UNC13C: variants seen among roughly 807,000 people sequenced by gnomAD.
UNC13C encodes the protein protein unc-13 homolog C.
A neutral mutation model predicts 245.4 loss-of-function variants in UNC13C; 174 were observed. The observed-to-expected ratio is 0.71, with a 90% CI of 0.63 to 0.80. The LOEUF (loss-of-function observed/expected upper bound fraction) is 0.80, where lower values mean the gene tolerates loss of function less well. Among genes scored for constraint, UNC13C ranks in the 30% least tolerant of loss-of-function variants. The probability of loss-of-function intolerance (pLI) is 0.00; values close to 1 mark genes in which losing one functional copy is unlikely to be tolerated. For missense variants in UNC13C, 2,829 were observed against 2,602.9 expected (o/e 1.09, Z -1.89); for synonymous variants, 992 against 895.1 (o/e 1.11, Z -1.93).
intron 10 of UNC13C, among the ~76,000 whole-genome samples, chr15:54,293,328 A>C (rs554917398): frequency 2.0e-4 from 31 of 152,090 alleles, no homozygotes; most frequent in African/African-American, 7.2e-4. Context: ...GGGTGAAGAA[A>C]ACCTGGAAAT....
At chr15:54,396,609 A>G (rs1414486240) in intron 18 of UNC13C, among the ~76,000 whole-genome samples, 1 of 151,494 alleles carries the variant, frequency 6.6e-6, no homozygotes, top group Non-Finnish European at 1.5e-5. Flanking sequence ...TTTTATTTCT[A>G]TTGAGTTACG....
At chr15:54,191,800 C>T (rs2034192952) in intron 4 of UNC13C, among the ~76,000 whole-genome samples, 1 of 152,104 alleles carries the variant, frequency 6.6e-6, no homozygotes, top group South Asian at 2.1e-4. Flanking sequence ...CTCTAATGAC[C>T]AGTGGTGATG....
chr15:54,606,604 G>A (rs759090044), intron 30 of UNC13C, among the ~76,000 whole-genome samples: 16 of 152,118 alleles, frequency 1.1e-4, no homozygotes, highest in Non-Finnish European at 1.6e-4. Context: ...ATTTGCGTGC[G>A]GTGAACTAAG....
intron 13 of UNC13C, 108 bp from the exon 14 acceptor site, chr15:54,321,831 C>A: frequency 8.7e-7 from 1 of 1,153,088 alleles, no homozygotes; most frequent in Non-Finnish European, 1.2e-6. Flanking sequence ...GTTTTCTCTC[C>A]TTTTCATAGA....
At chr15:53,993,000 C>T (rs1894458706) in intron 1 of UNC13C, among the ~76,000 whole-genome samples, 1 of 152,114 alleles carries the variant, frequency 6.6e-6, no homozygotes, top group Non-Finnish European at 1.5e-5. Flanking sequence ...AACAATCACA[C>T]TGCTATAATA....
intron 20 of UNC13C, among the ~76,000 whole-genome samples, chr15:54,499,456 G>T (rs1894099037): frequency 6.6e-6 from 1 of 152,058 alleles, no homozygotes; most frequent in Non-Finnish European, 1.5e-5. Context: ...GAATAAAATA[G>T]TCCAGAGGCC....
At chr15:54,441,312 T>G (rs1047349310) in intron 19 of UNC13C, among the ~76,000 whole-genome samples, 1 of 152,122 alleles carries the variant, frequency 6.6e-6, no homozygotes, top group African/African-American at 2.4e-5. Flanking sequence ...GTCTTATGTT[T>G]AGGTGTTTAA....
chr15:54,078,263 A>G (rs1898743079), intron 2 of UNC13C, among the ~76,000 whole-genome samples: 1 of 152,222 alleles, frequency 6.6e-6, no homozygotes, highest in Non-Finnish European at 1.5e-5. Flanking sequence ...TTGATTCCAT[A>G]ACTTTGCTAC....
At chr15:53,977,594 T>G (rs932156502), upstream of UNC13C, among the ~76,000 whole-genome samples, 1 of 152,236 alleles carries the variant, frequency 6.6e-6, no homozygotes, top group African/African-American at 2.4e-5. Context: ...AGAGCAGATG[T>G]AGCTTAAAAC....
chr15:54,526,487 T>C (rs113713492), intron 25 of UNC13C, among the ~76,000 whole-genome samples: 1 of 152,062 alleles, frequency 6.6e-6, no homozygotes, highest in Admixed American at 6.5e-5. Flanking sequence ...ATCCCAGCAC[T>C]TTGGGAGGCT....
At chr15:54,519,779 C>A (rs1195740586) in intron 24 of UNC13C, among the ~76,000 whole-genome samples, 5 of 152,114 alleles carry the variant, frequency 3.3e-5, no homozygotes, top group Admixed American at 6.6e-5. Context: ...CTTCTGACAA[C>A]AAACCACAGT....
At position 54,540,211 on chromosome 15, in the gene UNC13C, T is replaced by A. The variant is rs115242207; in HGVS notation, c.5697-6511T>A. Among the ~76,000 whole-genome samples the A allele has an allele frequency of 3.4e-3, 521 of 152,212 alleles. 2 individuals carry two copies. Among genetic ancestry groups the A allele is most frequent in the African/African-American group, 0.012 (501 of 41,556 alleles). ...AAGTGATAATGAGTACAATATTTAT[T>A]TCTACTTCAAAGAATGAATAAAAAT... On this transcript the variant is annotated intron_variant, in intron 26 of 32. Transcript: ENST00000260323.
At chr15:53,942,532 C>T in the UNC13C span, among the ~76,000 whole-genome samples, 2 of 150,618 alleles carry the variant, frequency 1.3e-5, no homozygotes, top group Admixed American at 1.3e-4. Context: ...CCTGCACATC[C>T]TATACATGTA....
upstream of UNC13C, among the ~76,000 whole-genome samples, chr15:53,977,490 G>A (rs528168087): frequency 4.6e-5 from 7 of 152,204 alleles, no homozygotes; most frequent in South Asian, 1.2e-3. Context: ...TTCCTATACT[G>A]TTTAACCACA....
chr15:54,209,119 C>T (rs980882298), intron 4 of UNC13C, among the ~76,000 whole-genome samples: 1 of 152,120 alleles, frequency 6.6e-6, no homozygotes, highest in East Asian at 1.9e-4. Flanking sequence ...CTCCTCCTCC[C>T]ACTCTACTGT....
chr15:54,516,600 C>T (rs1566882661), intron 24 of UNC13C, among the ~76,000 whole-genome samples: 1 of 151,886 alleles, frequency 6.6e-6, no homozygotes, highest in Non-Finnish European at 1.5e-5. Flanking sequence ...GTCAAGAGTT[C>T]GAGATCAGCC....
chr15:54,546,736 C>T lies in UNC13C; in HGVS notation c.5711C>T (p.Ala1904Val), dbSNP rs1414444134. Residue 1904 changes from alanine to valine, a missense_variant, in exon 27 of 33, where the codon GCA becomes GTA. Coordinates refer to ENST00000260323, the MANE Select transcript of UNC13C (RefSeq NM_001080534.3). Reference protein sequence around the residue: ...DFLDKTLSLSAKICEKTVLKR... With the variant: ...DFLDKTLSLSVKICEKTVLKR... ...TTTTTTTTCAGATTAAGTCTCTCAG[C>T]AAAAATCTGTGAGAAAACAGTCCTA... The T allele has an allele frequency of 1.3e-6, 2 of 1,503,558 alleles. No individual in the cohort carries two copies. Among genetic ancestry groups the T allele is most frequent in the East Asian group, 2.5e-5 (1 of 39,398 alleles). The allele number at this position is 1,503,558 out of a possible 1,614,324, so 93.1% of individuals were successfully genotyped here.
At chr15:54,341,501 C>T (rs1310670555) in intron 17 of UNC13C, among the ~76,000 whole-genome samples, 2 of 152,028 alleles carry the variant, frequency 1.3e-5, no homozygotes, top group African/African-American at 4.8e-5. Flanking sequence ...GGGGATCAGT[C>T]GTACGCAAAC....
intron 23 of UNC13C, among the ~76,000 whole-genome samples, chr15:54,511,529 T>C (rs1488879459): frequency 6.6e-6 from 1 of 152,154 alleles, no homozygotes; most frequent in Non-Finnish European, 1.5e-5. Flanking sequence ...CAATGGTTTA[T>C]TGTCTGAGTA....
Sources: allele counts gnomAD v4.1 joint callset (sites outside exome capture counted in the v4.1 genomes callset), GRCh38; gene constraint gnomAD v4.1.1; transcripts MANE v1.5; gene names NCBI Gene and HGNC (gene_info 2026-07-23, HGNC 2026-07-21).